Variants in ADCY3 observed in about 807,000 individuals in gnomAD.
ADCY3 encodes adenylate cyclase 3.
Under a neutral mutation model 119.4 loss-of-function variants are expected in ADCY3, and 70 were observed. The ratio of observed to expected loss-of-function variants is 0.59; its 90% CI spans 0.48 to 0.72. The LOEUF (loss-of-function observed/expected upper bound fraction) is 0.72. ADCY3 is among the 30% of genes least tolerant of loss of function. The probability of loss-of-function intolerance (pLI) is 0.00; values close to 1 mark genes in which losing one functional copy is unlikely to be tolerated. For synonymous variants in ADCY3, 672 were observed against 621.4 expected (o/e 1.08, Z -1.21); for missense variants, 1,238 against 1,541.6 (o/e 0.80, Z 3.30).
intron 2 of ADCY3, among the ~76,000 whole-genome samples, chr2:24,883,722 G>C (rs1676685993): frequency 6.6e-6 from 1 of 152,184 alleles, no homozygotes; most frequent in South Asian, 2.1e-4. Context: ...CAGCTCGGAG[G>C]AAGACAAGTG....
At chr2:24,855,759 T>C (rs1370809906) in intron 3 of ADCY3, among the ~76,000 whole-genome samples, 2 of 151,922 alleles carry the variant, frequency 1.3e-5, no homozygotes, top group Non-Finnish European at 2.9e-5. Flanking sequence ...GGTAGAGAGT[T>C]GAGAAGGGCC....
chr2:24,854,574 G>T (rs1289256952), intron 3 of ADCY3, among the ~76,000 whole-genome samples: 1 of 152,184 alleles, frequency 6.6e-6, no homozygotes, highest in Non-Finnish European at 1.5e-5. Context: ...GTGGCTCGTG[G>T]CTTTTGTTCT....
In ADCY3 at chr2:24,866,452, C is replaced by T. The variant is rs558729554; in HGVS notation, c.825+6118G>A. Among the ~76,000 whole-genome samples, 9 of 150,872 alleles carry T rather than the reference C, an allele frequency of 6.0e-5. No homozygotes were observed. In the East Asian group the frequency reaches 1.8e-3, roughly 30 times the overall value. ...ATTAGCTGGGCATGGTGGCACACGC[C>T]TGCAGTCCTAGCTACTCAAAAGGCT... is the stretch of plus-strand genomic sequence containing the variant. On this transcript the variant is annotated intron_variant, in intron 3 of 21. Transcript: ENST00000679454.
intron 2 of ADCY3, among the ~76,000 whole-genome samples, chr2:24,904,165 A>AAG (rs1237274710): frequency 2.0e-5 from 3 of 152,102 alleles, no homozygotes; most frequent in Admixed American, 1.3e-4. Flanking sequence ...AAGAAAGAAA[A>AAG]AGAGAGAGAG....
At chr2:24,832,077 ACAGGGGCCGGGGG>A (rs1370984457) in intron 11 of ADCY3, 8 of 71,180 alleles carry the variant, frequency 1.1e-4, no homozygotes, top group Non-Finnish European at 1.6e-4. Context: ...GGGGCAGGGG[ACAGGGGCCGGGGG>A]CAGGGGACGG....
chr2:24,833,794 G>A (rs916273778), intron 11 of ADCY3, among the ~76,000 whole-genome samples: 10 of 152,216 alleles, frequency 6.6e-5, no homozygotes, highest in Admixed American at 6.5e-5. Flanking sequence ...TTTCACAGAT[G>A]AGGAAACAGA....
In ADCY3 at chr2:24,842,565, T is replaced by C; in HGVS notation, c.826-181A>G. 1 of 750,042 alleles carries C rather than the reference T, an allele frequency of 1.3e-6. No homozygotes were observed. The highest frequency in any genetic ancestry group is 1.8e-5 in the South Asian group (1 of 54,404). 46.5% of individuals were successfully genotyped at this position (750,042 alleles called of 1,614,324 possible). ...CCAGGGGTCTGGGACAGGCAGCTTC[T>C]GGCCCTGACAAGGCTGAGGGTGGCA... On this transcript the variant is annotated intron_variant, in intron 3 of 21. Transcript: ENST00000679454. This position sits in a 1 kb window ranked among gnomAD's most constrained non-coding sequence, Gnocchi z 4.9.
At chr2:24,860,254 C>T (rs1673472789) in intron 3 of ADCY3, among the ~76,000 whole-genome samples, 1 of 152,176 alleles carries the variant, frequency 6.6e-6, no homozygotes, top group Non-Finnish European at 1.5e-5. Context: ...CCTCAAGGTC[C>T]CCAACTAACC....
chr2:24,852,796 C>T (rs575108819), intron 3 of ADCY3, among the ~76,000 whole-genome samples: 89 of 152,344 alleles, frequency 5.8e-4, no homozygotes, highest in Middle Eastern at 6.8e-3. Flanking sequence ...GTGGCCGAGC[C>T]GGTGCTGGGA....
chr2:24,857,991 ATTTTTTTTTTTTT>A (rs56672595), intron 3 of ADCY3, among the ~76,000 whole-genome samples: 1 of 122,390 alleles, frequency 8.2e-6, no homozygotes, highest in South Asian at 2.6e-4. Context: ...TGTGGTCTGA[ATTTTTTTTTTTTT>A]TTTTTTTTTT....
At chr2:24,901,416 C>T (rs1418114400) in intron 2 of ADCY3, among the ~76,000 whole-genome samples, 3 of 151,984 alleles carry the variant, frequency 2.0e-5, no homozygotes, top group Non-Finnish European at 4.4e-5. Flanking sequence ...TGAAAGAAAG[C>T]GCGTTGTTTC....
intron 12 of ADCY3, among the ~76,000 whole-genome samples, chr2:24,831,228 A>AT (rs1349429710): frequency 3.1e-3 from 298 of 95,344 alleles, no homozygotes; most frequent in Admixed American, 6.9e-3. Context: ...TGTCATTCTG[A>AT]TTAAAAAAAA....
chr2:24,881,701 GTTCA>G (rs1354377519), intron 2 of ADCY3, among the ~76,000 whole-genome samples: 10 of 152,252 alleles, frequency 6.6e-5, no homozygotes, highest in African/African-American at 2.4e-4. Context: ...TGAAAGAACA[GTTCA>G]TTCTCCACTG....
In ADCY3 at chr2:24,834,564, T is replaced by G. The variant is rs1462890028; in HGVS notation, c.1888A>C (p.Lys630Gln). Reference protein sequence around the residue: ...METRYSVEKEKQSGAAFSCSC... With the variant: ...METRYSVEKEQQSGAAFSCSC... ...CAGCTGAAGGCAGCCCCACTCTGCT[T>G]CTCCTTCTCCACCGAGTAGCGGGTT... The change falls in exon 11 of 22, where the codon AAG becomes CAG. Residue 630 changes from lysine to glutamine, a missense_variant. By Grantham distance (53) the Lys-to-Gln change is moderately conservative (BLOSUM62 1). This residue lies in a region of ADCY3 where 499 missense variants were observed against 571.0 expected (regional missense o/e 0.87). Coordinates refer to ENST00000679454, the MANE Select transcript of ADCY3 (RefSeq NM_004036.5). This position sits in a 1 kb window ranked among gnomAD's most constrained non-coding sequence, Gnocchi z 4.2. 1.9e-6 allele frequency: 3 copies of G among 1,613,550 alleles called. No homozygotes were observed. Among genetic ancestry groups the G allele is most frequent in the East Asian group, 4.5e-5 (2 of 44,844 alleles).
chr2:24,892,217 C>T (rs1346426659), intron 2 of ADCY3, among the ~76,000 whole-genome samples: 1 of 149,308 alleles, frequency 6.7e-6, no homozygotes, highest in Non-Finnish European at 1.5e-5. Flanking sequence ...AGAGAATATA[C>T]TTTATATGAG....
At position 24,843,087 on chromosome 2, in the gene ADCY3, G is replaced by A. The variant is rs575677285; in HGVS notation, c.826-703C>T. On this transcript the variant is annotated intron_variant, in intron 3 of 21. Transcript: ENST00000679454. ...GAGGGCACTCCTGTTGGAGGCAGCC[G>A]TGTACACAAACGCACAGACACACGC... is the stretch of plus-strand genomic sequence containing the variant. Among the ~76,000 whole-genome samples, 5 of 152,342 alleles carry A rather than the reference G, an allele frequency of 3.3e-5. No individual in the cohort carries two copies. The South Asian group carries it at 6.2e-4, about 19-fold the overall frequency.
chr2:24,911,625 G>C (rs1168165933), intron 2 of ADCY3, among the ~76,000 whole-genome samples: 1 of 91,792 alleles, frequency 1.1e-5, no homozygotes, highest in Admixed American at 1.1e-4. Flanking sequence ...ACTCCAGCCT[G>C]GGAGACAGAC....
intron 15 of ADCY3, among the ~76,000 whole-genome samples, chr2:24,827,143 C>T (rs994960626): frequency 5.3e-5 from 8 of 152,200 alleles, no homozygotes; most frequent in African/African-American, 1.9e-4. Context: ...AAAACCTTGG[C>T]ACTGGCAGGG....
At chr2:24,839,397 C>G (rs1670728815) in intron 7 of ADCY3, among the ~76,000 whole-genome samples, 1 of 152,244 alleles carries the variant, frequency 6.6e-6, no homozygotes, top group South Asian at 2.1e-4. Flanking sequence ...CCTCCCTCAG[C>G]CTCGCCCTGC....
Sources: gnomAD v4.1 joint callset for allele counts (sites outside exome capture counted in the v4.1 genomes callset) on GRCh38, gnomAD v4.1.1 for gene constraint, gnomAD v4.1.1 regional missense constraint, Gnocchi (gnomAD v3.1) non-coding constraint, MANE v1.5 for transcripts, NCBI Gene and HGNC (gene_info 2026-07-23, HGNC 2026-07-21) for gene names.